The following CTNNA3 variants were observed in gnomAD, a reference collection of about 807,000 sequenced individuals.
CTNNA3 encodes the protein catenin alpha 3.
Under a neutral mutation model 95.7 loss-of-function variants are expected in CTNNA3, and 76 were observed. That is an observed-to-expected ratio of 0.79 (90% CI 0.66 to 0.96). The LOEUF (loss-of-function observed/expected upper bound fraction) is 0.96. Ranked by LOEUF, CTNNA3 falls within the 40% of genes least tolerant of loss-of-function variation. The pLI is 0.00. For synonymous variants in CTNNA3, 431 were observed against 374.4 expected, an observed-to-expected ratio of 1.15 and a Z score of -1.74; for missense variants, 1,191 against 1,089.8, an observed-to-expected ratio of 1.09 and a Z score of -1.31.
chr10:66,229,887 C>T (rs897225025), intron 13 of CTNNA3, among the ~76,000 whole-genome samples: 6 of 151,962 alleles, frequency 3.9e-5, no homozygotes, highest in Non-Finnish European at 7.4e-5. Context: ...CTCTTATATC[C>T]TATAGAGTTT....
chr10:66,295,242 A>G (rs2091759329), intron 12 of CTNNA3, among the ~76,000 whole-genome samples: 1 of 152,140 alleles, frequency 6.6e-6, no homozygotes, highest in Non-Finnish European at 1.5e-5. Flanking sequence ...TTTTTTTTAG[A>G]ATTTGTTAAT....
In CTNNA3 at chr10:66,334,323, C is replaced by T. The variant is rs565492147; in HGVS notation, c.1732+44829G>A. Among the ~76,000 whole-genome samples, 11 of 151,842 alleles carry T rather than the reference C, an allele frequency of 7.2e-5. No homozygotes were observed. In the South Asian group the frequency reaches 8.3e-4, roughly 11 times the overall value. ...AGTTGATGTAGTTTCTTCCTAGCCT[C>T]GATAGTCTTTACAATTTGGCATGTT... On this transcript the variant is annotated intron_variant, in intron 12 of 17. Coordinates refer to ENST00000433211, the MANE Select transcript of CTNNA3 (RefSeq NM_013266.4).
chr10:66,625,362 C>T (rs1337194782), intron 9 of CTNNA3, among the ~76,000 whole-genome samples: 1 of 152,054 alleles, frequency 6.6e-6, no homozygotes, highest in Non-Finnish European at 1.5e-5. Flanking sequence ...TGTTCCCTTC[C>T]TTCTGGTTCC....
In CTNNA3 at chr10:66,031,575, G is replaced by C. The variant is rs142902382; in HGVS notation, c.2159+37733C>G. Reference sequence around the variant, plus strand: ...CTCCAAAGTTGGGGAGGGAGGGAGAGAGGGAGTAAAGGGTTGAAAAACTAT... The same window carrying C: ...CTCCAAAGTTGGGGAGGGAGGGAGACAGGGAGTAAAGGGTTGAAAAACTAT... On this transcript the variant is annotated intron_variant, in intron 15 of 17. Transcript: ENST00000433211. 8.7e-3 allele frequency among the ~76,000 whole-genome samples: 1,325 copies of C among 152,218 alleles called. 5 individuals are homozygous for C. The highest frequency in any genetic ancestry group is 0.012 in the Non-Finnish European group (840 of 68,002).
At chr10:67,649,257 A>G (rs996659049) in intron 1 of CTNNA3, among the ~76,000 whole-genome samples, 1 of 152,234 alleles carries the variant, frequency 6.6e-6, no homozygotes, top group Non-Finnish European at 1.5e-5. Flanking sequence ...AGCCTTTAAA[A>G]ACATGTCATT....
chr10:66,834,480 A>G (rs1842826479), intron 7 of CTNNA3, among the ~76,000 whole-genome samples: 1 of 152,234 alleles, frequency 6.6e-6, no homozygotes, highest in Admixed American at 6.5e-5. Flanking sequence ...CATCATTTCC[A>G]TTTTATAGAT....
chr10:67,452,061 TGGAAGGAAGGAAGGAA>T (rs59544939), intron 5 of CTNNA3, among the ~76,000 whole-genome samples: 13 of 121,006 alleles, frequency 1.1e-4, no homozygotes, highest in Non-Finnish European at 1.4e-4. Context: ...GAGGGAGGAA[TGGAAGGAAGGAAGGAA>T]GGAAGGAAGG....
chr10:66,024,306 G>T (rs1460171249), intron 15 of CTNNA3, among the ~76,000 whole-genome samples: 3 of 151,894 alleles, frequency 2.0e-5, no homozygotes, highest in Non-Finnish European at 2.9e-5. Context: ...AGTCAGGATG[G>T]TCTCGATCTC....
chr10:66,932,790 A>G (rs538358916), intron 7 of CTNNA3, among the ~76,000 whole-genome samples: 3 of 152,294 alleles, frequency 2.0e-5, no homozygotes, highest in South Asian at 4.1e-4. Context: ...AGCCTCCAAA[A>G]GTTGGTGATG....
chr10:67,502,002 C>A (rs2133105220), intron 5 of CTNNA3, among the ~76,000 whole-genome samples: 1 of 152,158 alleles, frequency 6.6e-6, no homozygotes, highest in East Asian at 1.9e-4. Flanking sequence ...AGTTTTGTTC[C>A]CTTGCTGGTG....
At chr10:67,553,629 G>C (rs971040659) in intron 3 of CTNNA3, among the ~76,000 whole-genome samples, 8 of 152,022 alleles carry the variant, frequency 5.3e-5, no homozygotes, top group African/African-American at 1.9e-4. Flanking sequence ...GAATTAAACT[G>C]CAGTCATCAC....
intron 17 of CTNNA3, among the ~76,000 whole-genome samples, chr10:65,964,507 T>C (rs995632334): frequency 1.3e-5 from 2 of 152,138 alleles, no homozygotes; most frequent in African/African-American, 4.8e-5. Context: ...TGAATTTGAA[T>C]CATTATACCA....
intron 7 of CTNNA3, among the ~76,000 whole-genome samples, chr10:66,839,530 A>C (rs1842979484): frequency 6.6e-6 from 1 of 152,124 alleles, no homozygotes; most frequent in South Asian, 2.1e-4. Context: ...CTTCATAATA[A>C]TAAAAATTTT....
At chr10:67,563,227 T>TA (rs1841605617) in intron 3 of CTNNA3, among the ~76,000 whole-genome samples, 1 of 152,146 alleles carries the variant, frequency 6.6e-6, no homozygotes, top group Non-Finnish European at 1.5e-5. Flanking sequence ...TCACACTACC[T>TA]GACTTCAAAC....
chr10:66,615,789 T>A (rs558345221), intron 10 of CTNNA3, among the ~76,000 whole-genome samples: 13 of 152,042 alleles, frequency 8.6e-5, no homozygotes, highest in African/African-American at 2.9e-4. Flanking sequence ...AGAGCAAATG[T>A]CCCTCTCAAC....
At chr10:67,611,075 T>C (rs889021689) in intron 2 of CTNNA3, among the ~76,000 whole-genome samples, 1 of 152,222 alleles carries the variant, frequency 6.6e-6, no homozygotes, top group Non-Finnish European at 1.5e-5. Flanking sequence ...TCCCACTCTA[T>C]TAATTCTGCA....
intron 11 of CTNNA3, among the ~76,000 whole-genome samples, chr10:66,465,144 C>T (rs1838859506): frequency 6.6e-6 from 1 of 151,986 alleles, no homozygotes; most frequent in African/African-American, 2.4e-5. Context: ...ACAAAATGTC[C>T]CAATAGATAC....
At chr10:67,006,864 G>A (rs945868315) in intron 7 of CTNNA3, among the ~76,000 whole-genome samples, 5 of 151,990 alleles carry the variant, frequency 3.3e-5, no homozygotes, top group African/African-American at 1.2e-4. Flanking sequence ...CAAAATCTCA[G>A]CTCACTGACA....
chr10:66,373,894 A>T (rs2092773044), intron 12 of CTNNA3, among the ~76,000 whole-genome samples: 1 of 152,224 alleles, frequency 6.6e-6, no homozygotes, highest in East Asian at 1.9e-4. Flanking sequence ...TCTGACCCCA[A>T]GTTTTCTGGA....
Sources: allele counts gnomAD v4.1 joint callset (sites outside exome capture counted in the v4.1 genomes callset), GRCh38; gene constraint gnomAD v4.1.1; transcripts MANE v1.5; gene names NCBI Gene and HGNC (gene_info 2026-07-23, HGNC 2026-07-21).